MYO16: variants seen among roughly 807,000 people sequenced by gnomAD.
The protein encoded by MYO16 is myosin XVI.
Under a neutral mutation model 205.3 loss-of-function variants are expected in MYO16, and 94 were observed. That is an observed-to-expected ratio of 0.46 (90% CI 0.39 to 0.54). The LOEUF (loss-of-function observed/expected upper bound fraction) is 0.54. MYO16 is among the 20% of genes least tolerant of loss of function. The pLI, the probability that MYO16 is intolerant of heterozygous loss-of-function variation, is 0.00. For synonymous variants in MYO16, 988 were observed against 954.0 expected (o/e 1.04, Z -0.66); for missense variants, 2,315 against 2,387.5 (o/e 0.97, Z 0.63).
Position 109,140,773 on chromosome 13 carries a change from C to T in MYO16, c.4561C>T (p.Pro1521Ser), listed in dbSNP as rs1456178667. Residue 1521 changes from proline to serine, a missense_variant, in exon 32 of 35, where the codon CCC becomes TCC. This residue lies in a region of MYO16 where 1,097 missense variants were observed against 1,092.0 expected (regional missense o/e 1.00). Coordinates refer to ENST00000457511, the MANE Select transcript of MYO16 (RefSeq NM_001198950.3). This position sits in a 1 kb window ranked among gnomAD's most constrained non-coding sequence, Gnocchi z 8.0. ...RPPLLVFPPT[P>S]VTCSPASDES... ...GCCCCTGCTGGTGTTCCCCCCGACC[C>T]CCGTCACCTGCTCCCCCGCCTCCGA... The T allele has an allele frequency of 1.3e-6, 2 of 1,567,180 alleles. No individual in the cohort carries two copies. The highest frequency in any genetic ancestry group is 1.8e-4 in the Middle Eastern group (1 of 5,700).
intron 20 of MYO16, among the ~76,000 whole-genome samples, chr13:108,988,476 TC>T (rs1265687510): frequency 2.6e-5 from 4 of 152,086 alleles, no homozygotes; most frequent in African/African-American, 9.7e-5. Context: ...GGATTCAGTA[TC>T]TATAAAATGT....
At chr13:109,093,431 A>T (rs1474187557) in intron 27 of MYO16, among the ~76,000 whole-genome samples, 1 of 152,210 alleles carries the variant, frequency 6.6e-6, no homozygotes, top group African/African-American at 2.4e-5. Context: ...GTAATTGGCA[A>T]CCAGCAAGGT....
At chr13:108,900,235 A>G (rs991330248) in intron 15 of MYO16, among the ~76,000 whole-genome samples, 3 of 152,204 alleles carry the variant, frequency 2.0e-5, no homozygotes, top group African/African-American at 7.2e-5. Context: ...AGAACTAGAA[A>G]ACTTTGTTGT....
At chr13:108,709,424 C>A (rs1351485951) in intron 2 of MYO16, among the ~76,000 whole-genome samples, 1 of 77,582 alleles carries the variant, frequency 1.3e-5, no homozygotes, top group African/African-American at 4.8e-5. Context: ...CCTGTTGCTA[C>A]ACTTGAGTTC....
chr13:108,983,025 A>C (rs1884500667), intron 20 of MYO16, among the ~76,000 whole-genome samples: 1 of 152,180 alleles, frequency 6.6e-6, no homozygotes. Context: ...TTTTCAATTG[A>C]TATCCGTCTC....
intron 11 of MYO16, among the ~76,000 whole-genome samples, chr13:108,857,008 A>G (rs1878215007): frequency 6.6e-6 from 1 of 152,228 alleles, no homozygotes; most frequent in African/African-American, 2.4e-5. Context: ...TATGCCCTGA[A>G]CAGTCACTGA....
At chr13:108,825,417 A>C (rs1876198355) in intron 9 of MYO16, among the ~76,000 whole-genome samples, 1 of 151,624 alleles carries the variant, frequency 6.6e-6, no homozygotes, top group South Asian at 2.1e-4. Context: ...AAGTACCAAA[A>C]AATAAAAAAA....
intron 32 of MYO16, among the ~76,000 whole-genome samples, chr13:109,154,694 A>G (rs1268422142): frequency 6.6e-6 from 1 of 151,974 alleles, no homozygotes; most frequent in Non-Finnish European, 1.5e-5. Flanking sequence ...AGGAGGAACC[A>G]TTTCCCTCCA....
intron 16 of MYO16, among the ~76,000 whole-genome samples, chr13:108,936,775 A>G (rs996728434): frequency 2.7e-4 from 41 of 152,144 alleles, no homozygotes; most frequent in African/African-American, 9.7e-4. Context: ...TTCTGTTTTT[A>G]TACAACTTGC....
intron 3 of MYO16, among the ~76,000 whole-genome samples, chr13:108,718,097 C>A (rs1884020011): frequency 6.6e-6 from 1 of 152,078 alleles, no homozygotes; most frequent in African/African-American, 2.4e-5. Flanking sequence ...ATAATTAGCA[C>A]CTTACTACAG....
rs78937728 is a variant in MYO16 at position 109,059,046 on chromosome 13, G to A, written c.3335+3451G>A. On this transcript the variant is annotated intron_variant, in intron 27 of 34. Transcript: ENST00000457511. The stretch of plus-strand genomic sequence containing the variant: ...TGCCGCAGTTCAGTCACATCTCCAG[G>A]CTCCACTTCTAATTTTGGTTCTATT... Among the ~76,000 whole-genome samples the A allele has an allele frequency of 3.2e-4, 48 of 152,166 alleles. 1 individual carries two copies. In the East Asian group the frequency reaches 7.4e-3, roughly 23 times the overall value.
At chr13:108,868,539 A>G (rs1471924331) in intron 12 of MYO16, among the ~76,000 whole-genome samples, 2 of 152,162 alleles carry the variant, frequency 1.3e-5, no homozygotes, top group Non-Finnish European at 2.9e-5. Context: ...TGGATTCTCA[A>G]TGCATATTGA....
intron 33 of MYO16, among the ~76,000 whole-genome samples, chr13:109,174,788 G>A (rs1388877850): frequency 1.7e-5 from 2 of 116,754 alleles, no homozygotes; most frequent in Non-Finnish European, 3.3e-5. Context: ...GTCTTGCTCT[G>A]TCGCCCAGGC....
chr13:109,074,249 A>G (rs760004062), intron 27 of MYO16, among the ~76,000 whole-genome samples: 6 of 152,218 alleles, frequency 3.9e-5, no homozygotes, highest in Non-Finnish European at 7.3e-5. Context: ...CAGCCCTTTT[A>G]TAGTGTCACT....
chr13:108,972,384 A>C (rs866034694), intron 20 of MYO16, among the ~76,000 whole-genome samples: 1,040 of 61,952 alleles, frequency 0.017, 166 homozygotes, highest in African/African-American at 0.078. Context: ...ATATATATAT[A>C]TATATATATA....
intron 31 of MYO16, among the ~76,000 whole-genome samples, chr13:109,137,947 A>G (rs749881784): frequency 6.6e-6 from 1 of 152,164 alleles, no homozygotes; most frequent in Non-Finnish European, 1.5e-5. Context: ...ACATTCTAAC[A>G]TACTGTAGAA....
intron 27 of MYO16, among the ~76,000 whole-genome samples, chr13:109,092,637 G>A (rs1387021457): frequency 1.3e-5 from 2 of 152,128 alleles, no homozygotes; most frequent in African/African-American, 2.4e-5. Context: ...CTTAATAGCT[G>A]GGTGATGAAA....
intron 4 of MYO16, among the ~76,000 whole-genome samples, chr13:108,746,083 C>G (rs1814072): frequency 0.17 from 26,138 of 151,916 alleles, 2,326 homozygotes; most frequent in Middle Eastern, 0.33. Flanking sequence ...GTCCCAGCTA[C>G]TCGGGAGGCT....
chr13:108,981,767 C>G (rs886764042), intron 20 of MYO16, among the ~76,000 whole-genome samples: 6 of 152,210 alleles, frequency 3.9e-5, no homozygotes, highest in Non-Finnish European at 1.5e-5. Context: ...TTTTGTGGTG[C>G]TTGGTTATCT....
Sources: allele counts gnomAD v4.1 joint callset (sites outside exome capture counted in the v4.1 genomes callset), GRCh38; gene constraint gnomAD v4.1.1; regional missense constraint gnomAD v4.1.1; non-coding constraint Gnocchi (gnomAD v3.1); transcripts MANE v1.5; gene names NCBI Gene and HGNC (gene_info 2026-07-23, HGNC 2026-07-21).